PCNX2: variants seen among roughly 807,000 people sequenced by gnomAD.
PCNX2 encodes the protein pecanex-like protein 2.
PCNX2 carries 168 observed loss-of-function variants against 223.8 expected under a neutral mutation model. The ratio of observed to expected loss-of-function variants is 0.75; its 90% CI spans 0.66 to 0.85. PCNX2 has a LOEUF of 0.85. Among genes scored for constraint, PCNX2 ranks in the 40% least tolerant of loss-of-function variants. The pLI, the probability that PCNX2 is intolerant of heterozygous loss-of-function variation, is 0.00. For missense variants in PCNX2, 2,507 were observed against 2,675.5 expected (o/e 0.94, Z 1.39); for synonymous variants, 1,006 against 1,052.6 (o/e 0.96, Z 0.86).
At chr1:233,326,984 G>A in the PCNX2 span, among the ~76,000 whole-genome samples, 1 of 152,072 alleles carries the variant, frequency 6.6e-6, no homozygotes, top group Admixed American at 6.5e-5. Flanking sequence ...GTCACTCTGC[G>A]CTGCGATCTG....
At chr1:233,089,120 AATG>A (rs1673746435) in intron 23 of PCNX2, among the ~76,000 whole-genome samples, 1 of 152,220 alleles carries the variant, frequency 6.6e-6, no homozygotes, top group Admixed American at 6.5e-5. Flanking sequence ...GGTCTAACTT[AATG>A]ATGACCTCTG....
the PCNX2 span, among the ~76,000 whole-genome samples, chr1:233,317,460 T>A: frequency 6.6e-6 from 1 of 151,796 alleles, no homozygotes; most frequent in South Asian, 2.1e-4. Context: ...CAAAAAAAAC[T>A]GATGACAACA....
intron 15 of PCNX2, among the ~76,000 whole-genome samples, chr1:233,187,187 A>G (rs1680151105): frequency 6.6e-6 from 1 of 152,062 alleles, no homozygotes. Context: ...TAGTTTTTAA[A>G]ACACATCGAA....
chr1:233,031,401 G>T (rs1671257860), intron 25 of PCNX2, among the ~76,000 whole-genome samples: 1 of 152,156 alleles, frequency 6.6e-6, no homozygotes, highest in African/African-American at 2.4e-5. Context: ...TTGATGCATT[G>T]ATTGAATGGA....
intron 21 of PCNX2, among the ~76,000 whole-genome samples, chr1:233,130,631 C>T (rs2102757224): frequency 6.6e-6 from 1 of 152,116 alleles, no homozygotes; most frequent in African/African-American, 2.4e-5. Flanking sequence ...AGTACAGGTG[C>T]CCGCCACTGT....
intron 20 of PCNX2, among the ~76,000 whole-genome samples, chr1:233,136,184 T>A (rs1436490290): frequency 1.3e-5 from 2 of 152,198 alleles, no homozygotes; most frequent in African/African-American, 4.8e-5. Flanking sequence ...TCTAACATGC[T>A]ATGATATTTG....
At chr1:233,296,553 T>C (rs1159733), upstream of PCNX2, among the ~76,000 whole-genome samples, 41,145 of 152,178 alleles carry the variant, frequency 0.27, 5,983 homozygotes, top group East Asian at 0.43. Context: ...GGATACAGTT[T>C]AGATTCTCTT....
Position 233,135,484 on chromosome 1 carries a change from A to G in PCNX2, c.3660-294T>C, listed in dbSNP as rs538010713. On this transcript the variant is annotated intron_variant, in intron 20 of 33. Coordinates refer to ENST00000258229, the MANE Select transcript of PCNX2 (RefSeq NM_014801.4). ...TTACAACAGACATTTTCTTTCCATC[A>G]CATGCTTTTCAAAGTCCCTCATGTT... 7.9e-5 allele frequency among the ~76,000 whole-genome samples: 12 copies of G among 152,282 alleles called. No homozygotes were observed. The South Asian group carries it at 2.3e-3, about 29-fold the overall frequency.
At chr1:233,033,208 C>G in intron 25 of PCNX2, 3 of 985,272 alleles carry the variant, frequency 3.0e-6, no homozygotes, top group Non-Finnish European at 3.6e-6. Flanking sequence ...TTTGTCACAC[C>G]TACCAATGCC....
At chr1:233,178,630 CA>C (rs1365145661) in intron 16 of PCNX2, among the ~76,000 whole-genome samples, 24 of 152,226 alleles carry the variant, frequency 1.6e-4, no homozygotes, top group African/African-American at 5.3e-4. Flanking sequence ...ACAATAAAAT[CA>C]AACAAAATCT....
At position 232,985,690 on chromosome 1, in the gene PCNX2, A is replaced by C. The variant is rs192841263; in HGVS notation, c.6240+402T>G. The stretch of plus-strand genomic sequence containing the variant: ...CAAATCGATTGGCTGAGAAGCAGTG[A>C]AGCTCTAACTCCAGCATTGACAGGT... On this transcript the variant is annotated intron_variant, in intron 33 of 33. Coordinates refer to ENST00000258229, the MANE Select transcript of PCNX2 (RefSeq NM_014801.4). The C allele has an allele frequency of 7.8e-5, 36 of 461,548 alleles. No homozygotes were observed. In the East Asian group the frequency reaches 1.2e-3, roughly 15 times the overall value. The allele number at this position is 461,548 out of a possible 1,614,324, so 28.6% of individuals were successfully genotyped here.
chr1:233,129,130 C>T (rs1315012585), intron 21 of PCNX2, among the ~76,000 whole-genome samples: 6 of 152,212 alleles, frequency 3.9e-5, no homozygotes, highest in East Asian at 1.9e-4. Flanking sequence ...GAGGGAGAGG[C>T]GTGGGCGGGA....
chr1:233,083,978 G>C (rs1222007843), intron 23 of PCNX2, among the ~76,000 whole-genome samples: 1 of 152,116 alleles, frequency 6.6e-6, no homozygotes, highest in Non-Finnish European at 1.5e-5. Context: ...AGAAAAGATA[G>C]AAATTTAGGA....
At chr1:233,063,440 T>C (rs1390522107) in intron 23 of PCNX2, among the ~76,000 whole-genome samples, 1 of 152,018 alleles carries the variant, frequency 6.6e-6, no homozygotes, top group East Asian at 1.9e-4. Context: ...AAGTTAACCA[T>C]ACTGAAAAAT....
chr1:233,096,018 G>A (rs1238404955), intron 21 of PCNX2, 155 bp from the exon 22 acceptor site: 2 of 160,042 alleles, frequency 1.2e-5, no homozygotes. Flanking sequence ...CATGTGGAAT[G>A]CAGCCATTTA....
chr1:233,181,549 T>C (rs1321999974), intron 15 of PCNX2, among the ~76,000 whole-genome samples: 1 of 152,206 alleles, frequency 6.6e-6, no homozygotes, highest in Non-Finnish European at 1.5e-5. Context: ...CTTGATCCAG[T>C]TGCCCTTGAA....
chr1:233,109,625 C>G (rs1674998077), intron 21 of PCNX2, among the ~76,000 whole-genome samples: 2 of 152,214 alleles, frequency 1.3e-5, no homozygotes, highest in South Asian at 4.1e-4. Flanking sequence ...ATGGCCCACA[C>G]TGACACACAA....
intron 15 of PCNX2, among the ~76,000 whole-genome samples, chr1:233,190,506 G>T (rs1040763478): frequency 1.3e-5 from 2 of 152,176 alleles, no homozygotes; most frequent in African/African-American, 2.4e-5. Context: ...TTAACAAAAG[G>T]TGCTTCAAAA....
intron 21 of PCNX2, among the ~76,000 whole-genome samples, chr1:233,122,360 C>T (rs998235390): frequency 1.3e-5 from 2 of 152,054 alleles, no homozygotes; most frequent in Non-Finnish European, 2.9e-5. Context: ...AACATAACTT[C>T]CCATTCCTTC....
Sources: gnomAD v4.1 joint callset for allele counts (sites outside exome capture counted in the v4.1 genomes callset) on GRCh38, gnomAD v4.1.1 for gene constraint, MANE v1.5 for transcripts, NCBI Gene and HGNC (gene_info 2026-07-23, HGNC 2026-07-21) for gene names.